The following DHX9 variants were observed in gnomAD, a reference collection of about 807,000 sequenced individuals.
The protein encoded by DHX9 is ATP-dependent RNA helicase A.
In DHX9, 27 loss-of-function variants were observed where a neutral mutation model predicts 148.7. The ratio of observed to expected loss-of-function variants is 0.18; its 90% confidence interval spans 0.13 to 0.25. DHX9 has a LOEUF of 0.25. DHX9 is among the 10% of genes least tolerant of loss of function. DHX9 has a pLI of 1.00. For synonymous variants in DHX9, 529 were observed against 516.6 expected (o/e 1.02, Z -0.33); for missense variants, 796 against 1,559.6 (o/e 0.51, Z 8.25).
rs1649370177 is a variant in DHX9, at chr1:182,887,191, CAGTGGAGGCTATGGT to C, written c.3573_3587del (p.Ser1196_Gly1200del). ...GTGGAGGCTATGGCGGTGGCTATAG[CAGTGGAGGCTATGGT>C]AGCGGAGGCTATGGTGGCAGCGCCA... On this transcript the variant is annotated inframe_deletion, in exon 28 of 28. Transcript: ENST00000367549. 1 of 1,613,954 alleles carries C rather than the reference CAGTGGAGGCTATGGT, an allele frequency of 6.2e-7. No homozygotes were observed. Among genetic ancestry groups the C allele is most frequent in the African/African-American group, 1.3e-5 (1 of 74,916 alleles).
At chr1:182,853,263 C>G in intron 4 of DHX9, 43 bp from the exon 5 acceptor site, 4 of 1,366,334 alleles carry the variant, frequency 2.9e-6, no homozygotes, top group Non-Finnish European at 4.1e-6. Flanking sequence ...TAGGATTTTT[C>G]TACAGTTATG....
chr1:182,879,508 T>C (rs764061632), intron 21 of DHX9, 98 bp downstream of exon 21: 113 of 1,184,562 alleles, frequency 9.5e-5, no homozygotes, highest in Non-Finnish European at 1.2e-4. Context: ...ATGATGAAGA[T>C]GTAGTCAACA....
Position 182,876,113 on chromosome 1 carries a change from T to A in DHX9, c.1879T>A (p.Leu627Met), listed in dbSNP as rs538995566. The change falls in exon 17 of 28, where the codon TTG (leucine) becomes ATG (methionine). Residue 627 changes from leucine (L) to methionine (M), a missense_variant. By Grantham distance (15) the Leu-to-Met change is conservative. Transcript: ENST00000367549. ...AGAAACAAGGTTGAGCATGTCTCAA[T>A]TGAACGAAAAGGAAACTCCTTTTGA... ...GPETRLSMSQLNEKETPFELI... is the reference protein window; with the variant it reads ...GPETRLSMSQMNEKETPFELI... 2 of 1,614,002 alleles carry A rather than the reference T, an allele frequency of 1.2e-6. No homozygotes were observed. Among genetic ancestry groups the A allele is most frequent in the South Asian group, 2.2e-5 (2 of 91,080 alleles).
chr1:182,871,658 TATATTC>T (rs1648557831), intron 14 of DHX9, among the ~76,000 whole-genome samples: 1 of 152,230 alleles, frequency 6.6e-6, no homozygotes, highest in Non-Finnish European at 1.5e-5. Context: ...AATTAACTGA[TATATTC>T]ATACACTGGG....
intron 14 of DHX9, among the ~76,000 whole-genome samples, chr1:182,869,753 C>CT (rs1411208664): frequency 6.6e-6 from 1 of 152,202 alleles, no homozygotes; most frequent in Non-Finnish European, 1.5e-5. Context: ...CGCCTGCCAC[C>CT]ACACCTGGGT....
chr1:182,844,944 T>G (rs1483783414), intron 3 of DHX9, among the ~76,000 whole-genome samples: 2 of 152,212 alleles, frequency 1.3e-5, no homozygotes, highest in East Asian at 1.9e-4. Context: ...ATTACAGGTG[T>G]GAGCCACTGT....
At chr1:182,881,061 T>C (rs1322190357) in intron 22 of DHX9, among the ~76,000 whole-genome samples, 1 of 152,250 alleles carries the variant, frequency 6.6e-6, no homozygotes, top group Non-Finnish European at 1.5e-5. Context: ...ATGATAAATA[T>C]GTGGCCATTA....
intron 3 of DHX9, among the ~76,000 whole-genome samples, chr1:182,850,042 A>G (rs754924908): frequency 3.5e-5 from 5 of 144,452 alleles, no homozygotes; most frequent in Non-Finnish European, 7.5e-5. Context: ...ACATCCTCCA[A>G]CCCATCAAAA....
At chr1:182,886,989 A>T in intron 27 of DHX9, 94 bp from the exon 28 acceptor site, 1 of 1,204,622 alleles carries the variant, frequency 8.3e-7, no homozygotes, top group African/African-American at 1.5e-5. Context: ...TCCCTTTATT[A>T]AATTTTCAAA....
At chr1:182,842,356 A>G (rs1237212168) in intron 1 of DHX9, among the ~76,000 whole-genome samples, 189 bp from the exon 2 acceptor site, 1 of 152,160 alleles carries the variant, frequency 6.6e-6, no homozygotes, top group Non-Finnish European at 1.5e-5. Flanking sequence ...AGTTCAAATC[A>G]TACCGTTTTG....
At chr1:182,869,341 C>G (rs1179650175) in intron 14 of DHX9, among the ~76,000 whole-genome samples, 1 of 152,114 alleles carries the variant, frequency 6.6e-6, no homozygotes. Flanking sequence ...TCAGCCCGGT[C>G]TTGTCCAGTC....
chr1:182,853,991 A>C (rs1236604137), intron 5 of DHX9, 39 bp from the exon 6 acceptor site: 2 of 1,601,750 alleles, frequency 1.2e-6, no homozygotes, highest in African/African-American at 2.7e-5. Context: ...GTATACCTAA[A>C]CTTAACACAG....
At chr1:182,845,897 A>C (rs1476007794) in intron 3 of DHX9, among the ~76,000 whole-genome samples, 3 of 152,176 alleles carry the variant, frequency 2.0e-5, no homozygotes, top group African/African-American at 7.2e-5. Context: ...CTCGAACACC[A>C]TTCTTCAGGA....
At chr1:182,848,979 C>T (rs1668080619) in intron 3 of DHX9, among the ~76,000 whole-genome samples, 1 of 152,168 alleles carries the variant, frequency 6.6e-6, no homozygotes, top group African/African-American at 2.4e-5. Context: ...ATGAGAAACC[C>T]ACCTCATGAT....
At chr1:182,882,908 G>C (rs1649152538) in intron 24 of DHX9, among the ~76,000 whole-genome samples, 1 of 151,622 alleles carries the variant, frequency 6.6e-6, no homozygotes, top group Non-Finnish European at 1.5e-5. Flanking sequence ...ATTTATGGTT[G>C]AGTCTATAAG....
intron 1 of DHX9, 170 bp downstream of exon 1, chr1:182,839,626 G>C (rs935242427): frequency 6.6e-6 from 1 of 152,138 alleles, no homozygotes; most frequent in Non-Finnish European, 1.5e-5. Flanking sequence ...TTGCGTGCGC[G>C]CCTCGCCGCG....
rs772383576 is a variant in DHX9 at position 182,859,151 on chromosome 1, G to T, written c.1140+34G>T. The T allele has an allele frequency of 2.5e-6, 4 of 1,586,960 alleles. No individual in the cohort carries two copies. The East Asian group carries it at 8.9e-5, about 35-fold the overall frequency. On this transcript the variant is annotated intron_variant, in intron 11 of 27. Transcript: ENST00000367549. ...GAATTATTTAGACAAGTAGTGCTCA[G>T]AGCTTCAGAATGTTCTAGGTATGGG...
chr1:182,859,317 A>T (rs556240261), intron 11 of DHX9, among the ~76,000 whole-genome samples, 200 bp downstream of exon 11: 7 of 152,310 alleles, frequency 4.6e-5, no homozygotes, highest in African/African-American at 1.7e-4. Context: ...TCTTAATGTA[A>T]TTTAATAAAA....
rs748458012 is a variant in DHX9 at position 182,854,906 on chromosome 1, C to T, written c.626+728C>T. 3.9e-5 allele frequency among the ~76,000 whole-genome samples: 6 copies of T among 152,174 alleles called. No individual in the cohort carries two copies. The East Asian group carries it at 5.8e-4, about 15-fold the overall frequency. On this transcript the variant is annotated intron_variant, in intron 6 of 27. Transcript: ENST00000367549. ...GGGGAGCGATGTATTTTTATTAGAACGGAGGGGAGGTTGTAATGGAAACCT... is the reference window on the plus strand; with the variant it reads ...GGGGAGCGATGTATTTTTATTAGAATGGAGGGGAGGTTGTAATGGAAACCT...
Sources: gnomAD v4.1 joint callset for allele counts (sites outside exome capture counted in the v4.1 genomes callset) on GRCh38, gnomAD v4.1.1 for gene constraint, MANE v1.5 for transcripts, NCBI Gene and HGNC (gene_info 2026-07-23, HGNC 2026-07-21) for gene names.